NBDY: variants seen among roughly 807,000 people sequenced by gnomAD.
The protein encoded by NBDY is P-body dissociating protein.
chrX:56,737,068 T>A (rs1449237483), intron 2 of NBDY, among the ~76,000 whole-genome samples: 9 of 111,807 alleles, frequency 8.0e-5, no homozygotes, highest in Admixed American at 9.4e-5. Flanking sequence ...TGGAAAAAAA[T>A]TTAACAGTAA....
At chrX:56,811,685 G>T (rs919608175) in intron 2 of NBDY, among the ~76,000 whole-genome samples, 2 of 112,226 alleles carry the variant, frequency 1.8e-5, no homozygotes, top group African/African-American at 6.5e-5. Flanking sequence ...ATCTTAGCTT[G>T]CTGGGCTCCA....
intron 2 of NBDY, among the ~76,000 whole-genome samples, chrX:56,748,152 T>C (rs2069566060): frequency 8.9e-6 from 1 of 111,923 alleles, no homozygotes; most frequent in Non-Finnish European, 1.9e-5. Context: ...TAACTGATTA[T>C]AGACAGTAAT....
rs755071040 is a variant in NBDY, at chrX:56,767,174, G to A, written c.*166+34975G>A. 1.4e-4 allele frequency among the ~76,000 whole-genome samples: 16 copies of A among 113,463 alleles called. No homozygotes were observed. The East Asian group carries it at 4.2e-3, about 30-fold the overall frequency. On this transcript the variant is annotated intron_variant, in intron 2 of 2. Coordinates refer to ENST00000374922, the MANE Select transcript of NBDY (RefSeq NM_001348129.2). ...CGTTTTCCAGTAGCCATGATTATACGTCCTTTCTCTTTTACTTTCTACACC... is the reference window on the plus strand; with the variant it reads ...CGTTTTCCAGTAGCCATGATTATACATCCTTTCTCTTTTACTTTCTACACC...
At chrX:56,764,908 T>G (rs2069658059) in intron 2 of NBDY, among the ~76,000 whole-genome samples, 1 of 111,485 alleles carries the variant, frequency 9.0e-6, no homozygotes, top group Non-Finnish European at 1.9e-5. Flanking sequence ...TGATGCTTTC[T>G]CCTGGCTGGT....
chrX:56,740,628 T>C (rs1348017506), intron 2 of NBDY, among the ~76,000 whole-genome samples: 2 of 111,953 alleles, frequency 1.8e-5, no homozygotes, highest in African/African-American at 6.5e-5. Flanking sequence ...GCATTGTTAG[T>C]ATGTACATAC....
chrX:56,810,128 A>T (rs1254545811), intron 2 of NBDY, among the ~76,000 whole-genome samples: 2 of 111,655 alleles, frequency 1.8e-5, no homozygotes, highest in Admixed American at 9.5e-5. Context: ...ACCTGCTGTT[A>T]GTCTGATTGG....
chrX:56,781,968 C>T (rs7877859), intron 2 of NBDY, among the ~76,000 whole-genome samples: 10,992 of 111,352 alleles, frequency 0.099, 1,162 homozygotes, highest in African/African-American at 0.3. Context: ...ATGACATCCT[C>T]AGGGTAAGGT....
chrX:56,802,107 C>T (rs1038230104), intron 2 of NBDY, among the ~76,000 whole-genome samples: 2 of 111,496 alleles, frequency 1.8e-5, no homozygotes, highest in Non-Finnish European at 3.8e-5. Flanking sequence ...AGACTGCCCA[C>T]GAACTCTCCC....
At chrX:56,742,909 A>G (rs1489500585) in intron 2 of NBDY, among the ~76,000 whole-genome samples, 1 of 111,636 alleles carries the variant, frequency 9.0e-6, no homozygotes, top group Non-Finnish European at 1.9e-5. Context: ...TTCAGATCTT[A>G]GAGGAAAAGC....
chrX:56,748,839 T>C (rs1030965741), intron 2 of NBDY, among the ~76,000 whole-genome samples: 39 of 74,157 alleles, frequency 5.3e-4, no homozygotes, highest in African/African-American at 1.7e-3. Context: ...AAGTTGAGGG[T>C]AGCTGGCATA....
chrX:56,810,492 T>A (rs1010659255), intron 2 of NBDY, among the ~76,000 whole-genome samples: 4 of 110,180 alleles, frequency 3.6e-5, no homozygotes, highest in Admixed American at 2.9e-4. Context: ...CTTTATTTTA[T>A]TGAGTTGATC....
intron 2 of NBDY, among the ~76,000 whole-genome samples, chrX:56,791,365 T>G (rs1159940052): frequency 4.5e-5 from 5 of 111,950 alleles, no homozygotes; most frequent in Non-Finnish European, 9.4e-5. Flanking sequence ...TTGCCATTGG[T>G]GGGTGACTAC....
At chrX:56,795,159 CCTGT>C (rs1269731875) in intron 2 of NBDY, among the ~76,000 whole-genome samples, 3 of 112,043 alleles carry the variant, frequency 2.7e-5, no homozygotes, top group Non-Finnish European at 5.6e-5. Flanking sequence ...TTCACCTGGG[CCTGT>C]CTGTGTTGCT....
chrX:56,733,284 GTTTAAC>G (rs1175053287), intron 2 of NBDY, among the ~76,000 whole-genome samples: 1 of 107,037 alleles, frequency 9.3e-6, no homozygotes, highest in African/African-American at 3.4e-5. Flanking sequence ...TCCCATTCTA[GTTTAAC>G]TTTATCTTAT....
intron 2 of NBDY, among the ~76,000 whole-genome samples, chrX:56,764,702 CAAA>C (rs10623590): frequency 3.3e-5 from 2 of 60,801 alleles, no homozygotes; most frequent in Non-Finnish European, 6.1e-5. Context: ...AAACAAACAC[CAAA>C]AAAAAAAAAA....
intron 1 of NBDY, among the ~76,000 whole-genome samples, chrX:56,730,780 T>A (rs577630418): frequency 1.3e-4 from 14 of 111,478 alleles, no homozygotes; most frequent in Middle Eastern, 4.7e-3. Flanking sequence ...AGTGCTACTA[T>A]TTGTATTTTA....
intron 2 of NBDY, among the ~76,000 whole-genome samples, chrX:56,788,762 C>A (rs1248057830): frequency 8.9e-6 from 1 of 112,711 alleles, no homozygotes; most frequent in East Asian, 2.8e-4. Context: ...TTCCCTTATG[C>A]GTATCTCAAA....
intron 2 of NBDY, among the ~76,000 whole-genome samples, chrX:56,758,715 C>T (rs1272953559): frequency 8.9e-6 from 1 of 111,762 alleles, no homozygotes; most frequent in East Asian, 2.8e-4. Flanking sequence ...CTCTGTGTTC[C>T]TGTGGTGGGT....
intron 2 of NBDY, among the ~76,000 whole-genome samples, chrX:56,740,716 G>T (rs1228105960): frequency 4.5e-5 from 5 of 110,411 alleles, no homozygotes; most frequent in Non-Finnish European, 9.5e-5. Context: ...TTTGTTTGCT[G>T]GGTCTTTTTA....
Sources: allele counts gnomAD v4.1 joint callset (sites outside exome capture counted in the v4.1 genomes callset), GRCh38; gene constraint gnomAD v4.1.1; transcripts MANE v1.5; gene names NCBI Gene and HGNC (gene_info 2026-07-23, HGNC 2026-07-21).